RIMS1: variants seen among roughly 807,000 people sequenced by gnomAD.
The protein encoded by RIMS1 is regulating synaptic membrane exocytosis protein 1.
RIMS1 carries 83 observed loss-of-function variants against 214.1 expected under a neutral mutation model. That is an observed-to-expected ratio of 0.39 (90% CI 0.32 to 0.47). The LOEUF is 0.47. Among genes scored for constraint, RIMS1 ranks in the 20% least tolerant of loss-of-function variants. The pLI is 0.99. For synonymous variants in RIMS1, 793 were observed against 786.8 expected (o/e 1.01, Z -0.13); for missense variants, 2,050 against 2,161.8 (o/e 0.95, Z 1.03).
At chr6:72,306,870 C>T (rs934034157) in intron 26 of RIMS1, among the ~76,000 whole-genome samples, 3 of 152,078 alleles carry the variant, frequency 2.0e-5, no homozygotes, top group South Asian at 2.1e-4. Flanking sequence ...GCATATAGTG[C>T]GATGTGCTAA....
chr6:72,322,962 G>T (rs907406102), intron 28 of RIMS1, among the ~76,000 whole-genome samples: 6 of 152,066 alleles, frequency 3.9e-5, no homozygotes, highest in Non-Finnish European at 5.9e-5. Context: ...GCAGCAGCTG[G>T]AAGGCCAAAG....
chr6:72,396,153 A>G (rs1364473163), intron 31 of RIMS1, among the ~76,000 whole-genome samples: 2 of 152,096 alleles, frequency 1.3e-5, no homozygotes, highest in African/African-American at 4.8e-5. Context: ...AATAAAAAAG[A>G]AAAAATGACC....
rs2037018159 is a variant in RIMS1, at chr6:72,116,086, G to T, written c.471+16100G>T. Among the ~76,000 whole-genome samples the T allele has an allele frequency of 3.9e-5, 6 of 152,086 alleles. No individual in the cohort carries two copies. In the South Asian group the frequency reaches 1.2e-3, roughly 32 times the overall value. On this transcript the variant is annotated intron_variant, in intron 4 of 33. Coordinates refer to ENST00000521978, the MANE Select transcript of RIMS1 (RefSeq NM_014989.7). ...CATTGCTGAGATGACTACTGAGGCA[G>T]TCTGGACTAGAGTGAGAAGCACTGC... is the stretch of plus-strand genomic sequence containing the variant.
chr6:72,011,096 A>G (rs138121114), intron 2 of RIMS1, among the ~76,000 whole-genome samples: 3 of 152,346 alleles, frequency 2.0e-5, no homozygotes, highest in African/African-American at 7.2e-5. Flanking sequence ...AGGCTGCAGT[A>G]ACCAAAACAG....
chr6:71,953,811 T>C (rs891948534), intron 1 of RIMS1, among the ~76,000 whole-genome samples: 1 of 152,228 alleles, frequency 6.6e-6, no homozygotes, highest in Admixed American at 6.5e-5. Flanking sequence ...TGCTCTTCTG[T>C]TGAGACCACT....
intron 13 of RIMS1, 46 bp from the exon 14 acceptor site, chr6:72,250,875 C>CA (rs1419756511): frequency 9.3e-7 from 1 of 1,072,682 alleles, no homozygotes; most frequent in East Asian, 2.6e-5. Flanking sequence ...CAGTAGATGG[C>CA]AGCATGTACT....
chr6:72,072,899 T>C (rs1224391967), intron 2 of RIMS1, among the ~76,000 whole-genome samples: 1 of 152,218 alleles, frequency 6.6e-6, no homozygotes, highest in Non-Finnish European at 1.5e-5. Context: ...CCTTGGGATA[T>C]TATCAGTGAG....
intron 22 of RIMS1, among the ~76,000 whole-genome samples, chr6:72,271,773 A>G (rs1367861865): frequency 1.3e-5 from 2 of 152,114 alleles, no homozygotes; most frequent in African/African-American, 2.4e-5. Flanking sequence ...TTTATCCCCA[A>G]AGCCAATAGC....
intron 2 of RIMS1, among the ~76,000 whole-genome samples, chr6:72,090,402 AT>A (rs1835899843): frequency 2.0e-5 from 3 of 152,038 alleles, no homozygotes; most frequent in Non-Finnish European, 2.9e-5. Context: ...TCTTCCAACT[AT>A]TTTGTAGCAG....
At chr6:72,059,429 A>G in intron 2 of RIMS1, among the ~76,000 whole-genome samples, 1 of 151,952 alleles carries the variant, frequency 6.6e-6, no homozygotes, top group Non-Finnish European at 1.5e-5. Flanking sequence ...GGGTTTTGCC[A>G]TGTTGCCTAG....
intron 6 of RIMS1, 36 bp downstream of exon 6, chr6:72,183,185 C>T: frequency 6.4e-7 from 1 of 1,573,786 alleles, no homozygotes. Flanking sequence ...GGGACTTCAG[C>T]CAAGTGAAGA....
chr6:72,149,355 C>A (rs2043192523), intron 4 of RIMS1, among the ~76,000 whole-genome samples: 1 of 152,180 alleles, frequency 6.6e-6, no homozygotes, highest in Non-Finnish European at 1.5e-5. Context: ...TGGCTAACAC[C>A]CTAACACCCC....
chr6:71,948,959 A>G (rs888329242), intron 1 of RIMS1, among the ~76,000 whole-genome samples: 1 of 152,218 alleles, frequency 6.6e-6, no homozygotes, highest in Non-Finnish European at 1.5e-5. Context: ...GAGTGAGGGC[A>G]TAAGCTAATT....
chr6:72,288,194 C>G (rs2092720409), intron 24 of RIMS1, among the ~76,000 whole-genome samples: 1 of 151,978 alleles, frequency 6.6e-6, no homozygotes, highest in Admixed American at 6.6e-5. Flanking sequence ...GTTTATCTTT[C>G]TCCAGGTCAC....
At chr6:72,219,839 T>A (rs1197431620) in intron 6 of RIMS1, among the ~76,000 whole-genome samples, 1 of 152,002 alleles carries the variant, frequency 6.6e-6, no homozygotes, top group Non-Finnish European at 1.5e-5. Context: ...CAGGATTATG[T>A]TCTGTAATCA....
At chr6:72,346,604 C>T (rs2097273412) in intron 29 of RIMS1, among the ~76,000 whole-genome samples, 1 of 151,754 alleles carries the variant, frequency 6.6e-6, no homozygotes, top group South Asian at 2.1e-4. Context: ...CCCTTCTGCT[C>T]TGTTACTCAG....
intron 10 of RIMS1, among the ~76,000 whole-genome samples, chr6:72,243,663 A>G (rs1183223729): frequency 2.0e-5 from 3 of 151,792 alleles, no homozygotes; most frequent in Non-Finnish European, 4.4e-5. Context: ...TTAAAAGTAA[A>G]CAGCAAAAAC....
chr6:72,303,251 T>C (rs1009117592), intron 26 of RIMS1, among the ~76,000 whole-genome samples: 2 of 150,994 alleles, frequency 1.3e-5, no homozygotes, highest in African/African-American at 4.8e-5. Flanking sequence ...AGGGAAGATT[T>C]ATTAAGGATT....
chr6:72,221,498 C>T (rs193015247), intron 6 of RIMS1, among the ~76,000 whole-genome samples: 111 of 152,024 alleles, frequency 7.3e-4, no homozygotes, highest in African/African-American at 2.3e-3. Context: ...ATGAGTTTCT[C>T]ATTTGAAAAC....
Sources: allele counts gnomAD v4.1 joint callset (sites outside exome capture counted in the v4.1 genomes callset), GRCh38; gene constraint gnomAD v4.1.1; transcripts MANE v1.5; gene names NCBI Gene and HGNC (gene_info 2026-07-23, HGNC 2026-07-21).